The following TCF7L2 variants were observed in gnomAD, a reference collection of about 807,000 sequenced individuals.
TCF7L2 encodes the protein transcription factor 7 like 2, also known as transcription factor 7-like 2.
TCF7L2 carries 23 observed loss-of-function variants against 77.9 expected under a neutral mutation model. That is an observed-to-expected ratio of 0.30 (90% CI 0.21 to 0.42). The LOEUF (loss-of-function observed/expected upper bound fraction) is 0.42, where lower values mean the gene tolerates loss of function less well. Ranked by LOEUF, TCF7L2 falls within the 10% of genes least tolerant of loss-of-function variation. The pLI is 1.00. For synonymous variants in TCF7L2, 413 were observed against 340.2 expected, an observed-to-expected ratio of 1.21 and a Z score of -2.36; for missense variants, 654 against 793.1, an observed-to-expected ratio of 0.82 and a Z score of 2.11.
intron 4 of TCF7L2, among the ~76,000 whole-genome samples, chr10:113,014,061 AAGTTG>A (rs1199819392): frequency 6.6e-6 from 1 of 152,224 alleles, no homozygotes; most frequent in African/African-American, 2.4e-5. Context: ...ATGCAAAAAG[AAGTTG>A]AGTTAACACA....
intron 4 of TCF7L2, among the ~76,000 whole-genome samples, chr10:112,969,790 A>G (rs924172083): frequency 1.1e-4 from 16 of 152,314 alleles, no homozygotes; most frequent in African/African-American, 3.8e-4. Flanking sequence ...AGCAGGCTGA[A>G]TTCCAGAGGT....
Position 113,151,146 on chromosome 10 carries a change from CCTT to C in TCF7L2, c.1001+28_1001+30del, listed in dbSNP as rs770800656. On this transcript the variant is annotated intron_variant, in intron 9 of 13. Coordinates refer to ENST00000627217, the MANE Select transcript of TCF7L2 (RefSeq NM_001146274.2). The surrounding 1 kb of genome is among the most constrained non-coding windows in gnomAD (Gnocchi z 5.2). ...TTCGTAAGTGTTGCTGTTTTTCTCA[CCTT>C]CTTCGTAGCCGCAGTGTTCTGCAAG... 123 of 1,614,046 alleles carry C rather than the reference CCTT, an allele frequency of 7.6e-5. No homozygotes were observed. In the African/African-American group the frequency reaches 1.4e-3, roughly 19 times the overall value.
At chr10:112,999,804 A>G (rs776613879) in intron 4 of TCF7L2, among the ~76,000 whole-genome samples, 1 of 152,174 alleles carries the variant, frequency 6.6e-6, no homozygotes, top group Non-Finnish European at 1.5e-5. Flanking sequence ...TGTCTTGTCT[A>G]TCAATACCCC....
At chr10:113,084,700 G>A (rs1440807013) in intron 5 of TCF7L2, among the ~76,000 whole-genome samples, 1 of 152,024 alleles carries the variant, frequency 6.6e-6, no homozygotes, top group Non-Finnish European at 1.5e-5. Flanking sequence ...TTGGATACCA[G>A]CCTGGCCAAC....
At chr10:113,100,004 C>T (rs1225487958) in intron 5 of TCF7L2, among the ~76,000 whole-genome samples, 2 of 152,212 alleles carry the variant, frequency 1.3e-5, no homozygotes, top group African/African-American at 2.4e-5. Flanking sequence ...CAAGTTCCCA[C>T]TCCCTCTACC....
intron 5 of TCF7L2, among the ~76,000 whole-genome samples, chr10:113,114,590 T>A (rs144474824): frequency 1.3e-5 from 2 of 152,214 alleles, no homozygotes; most frequent in African/African-American, 4.8e-5. Flanking sequence ...TGAAGATAAA[T>A]TGAATTAATA....
chr10:113,144,248 G>C (rs2068918875), intron 7 of TCF7L2, among the ~76,000 whole-genome samples: 1 of 151,982 alleles, frequency 6.6e-6, no homozygotes, highest in Admixed American at 6.6e-5. Flanking sequence ...CATTCAGGTG[G>C]CTTATGTTAC....
intron 3 of TCF7L2, among the ~76,000 whole-genome samples, chr10:112,960,511 G>C (rs1305917004): frequency 6.6e-6 from 1 of 152,084 alleles, no homozygotes; most frequent in East Asian, 1.9e-4. Context: ...AAATACGCTG[G>C]AGTTCTCATC....
chr10:113,074,573 A>G lies in TCF7L2; in HGVS notation c.552+34447A>G, dbSNP rs141434976. On this transcript the variant is annotated intron_variant, in intron 5 of 13. Transcript: ENST00000627217. ...CTTGGCACACTGCTGACGGCTGCAC[A>G]CTCATCACTGCGGGGCTCATCACAC... is the stretch of plus-strand genomic sequence containing the variant. Among the ~76,000 whole-genome samples, 720 of 152,222 alleles carry G rather than the reference A, an allele frequency of 4.7e-3. 4 individuals are homozygous for G. Among genetic ancestry groups the G allele is most frequent in the African/African-American group, 0.016 (665 of 41,536 alleles).
At chr10:113,096,784 G>T (rs1196767309) in intron 5 of TCF7L2, among the ~76,000 whole-genome samples, 7 of 152,122 alleles carry the variant, frequency 4.6e-5, no homozygotes, top group African/African-American at 1.4e-4. Context: ...CTAAATTAGA[G>T]GCCTGTTTGT....
chr10:113,163,974 G>GT (rs1301362805), intron 13 of TCF7L2, among the ~76,000 whole-genome samples: 24 of 152,232 alleles, frequency 1.6e-4, no homozygotes, highest in African/African-American at 5.5e-4. Context: ...TCTGACAGTG[G>GT]TTGCCTTCAA....
chr10:113,001,663 C>A (rs946992530), intron 4 of TCF7L2, among the ~76,000 whole-genome samples: 1 of 152,038 alleles, frequency 6.6e-6, no homozygotes, highest in Non-Finnish European at 1.5e-5. Context: ...GCTTGGGTGA[C>A]CCCCCTATCA....
intron 5 of TCF7L2, among the ~76,000 whole-genome samples, chr10:113,114,144 G>A (rs2063459244): frequency 6.6e-6 from 1 of 152,142 alleles, no homozygotes; most frequent in Non-Finnish European, 1.5e-5. Context: ...TGGTTAATAT[G>A]TTTGCTCTGG....
intron 3 of TCF7L2, among the ~76,000 whole-genome samples, chr10:112,961,713 G>C (rs1399306333): frequency 1.3e-5 from 2 of 152,106 alleles, no homozygotes; most frequent in South Asian, 2.1e-4. Flanking sequence ...CGCAATGGTT[G>C]CTGGCTGGGA....
At chr10:113,020,113 T>C (rs532683801) in intron 4 of TCF7L2, among the ~76,000 whole-genome samples, 4 of 152,192 alleles carry the variant, frequency 2.6e-5, no homozygotes, top group African/African-American at 9.6e-5. Context: ...GTGTGTGTGT[T>C]GTGTTGTTTT....
intron 5 of TCF7L2, among the ~76,000 whole-genome samples, chr10:113,123,586 A>C (rs147999999): frequency 1.4e-3 from 208 of 152,300 alleles, no homozygotes; most frequent in African/African-American, 4.0e-3. Context: ...AGGTAGGAAA[A>C]CTGTGATTTT....
At position 112,967,007 on chromosome 10, in the gene TCF7L2, G is replaced by A. The variant is rs189430204; in HGVS notation, c.450+2383G>A. The stretch of plus-strand genomic sequence containing the variant: ...GACCCGCACAAGGCCAAGCTAAATG[G>A]CATCTAGCTGTAATTTTAGTTTGAT... On this transcript the variant is annotated intron_variant, in intron 4 of 13. Transcript: ENST00000627217. Among the ~76,000 whole-genome samples, 10 of 152,192 alleles carry A rather than the reference G, an allele frequency of 6.6e-5. No homozygotes were observed. In the East Asian group the frequency reaches 1.8e-3, roughly 27 times the overall value.
intron 5 of TCF7L2, among the ~76,000 whole-genome samples, chr10:113,101,570 C>T (rs960108815): frequency 6.6e-5 from 10 of 151,570 alleles, no homozygotes; most frequent in African/African-American, 2.2e-4. Context: ...GGGCTGGGCG[C>T]GGTGGCTCAC....
At chr10:113,059,783 A>G (rs1046831779) in intron 5 of TCF7L2, among the ~76,000 whole-genome samples, 1 of 152,204 alleles carries the variant, frequency 6.6e-6, no homozygotes, top group Admixed American at 6.5e-5. Context: ...GGGAGAAAAA[A>G]GACAGAAAAT....
Sources: gnomAD v4.1 joint callset for allele counts (sites outside exome capture counted in the v4.1 genomes callset) on GRCh38, gnomAD v4.1.1 for gene constraint, Gnocchi (gnomAD v3.1) non-coding constraint, MANE v1.5 for transcripts, NCBI Gene and HGNC (gene_info 2026-07-23, HGNC 2026-07-21) for gene names.